The following RNF130 variants were observed in gnomAD, a reference collection of about 807,000 sequenced individuals.
RNF130 encodes the protein ring finger protein 130.
RNF130 carries 21 observed loss-of-function variants against 44.6 expected under a neutral mutation model. That is an observed-to-expected ratio of 0.47 (90% CI 0.33 to 0.68). The LOEUF (loss-of-function observed/expected upper bound fraction) is 0.68, where lower values mean the gene tolerates loss of function less well. RNF130 is among the 30% of genes least tolerant of loss of function. The pLI is 0.02. For synonymous variants in RNF130, 214 were observed against 210.4 expected (o/e 1.02, Z -0.15); for missense variants, 479 against 560.6 (o/e 0.85, Z 1.47).
chr5:180,022,291 C>T (rs576685343), intron 2 of RNF130, among the ~76,000 whole-genome samples: 1 of 152,206 alleles, frequency 6.6e-6, no homozygotes, highest in East Asian at 1.9e-4. Flanking sequence ...CCTCATGAAA[C>T]CTTCAGTTTA....
At chr5:180,012,840 T>C (rs1379249885) in intron 3 of RNF130, among the ~76,000 whole-genome samples, 2 of 152,228 alleles carry the variant, frequency 1.3e-5, no homozygotes, top group African/African-American at 4.8e-5. Context: ...GCTATCTACC[T>C]GACTAGAATA....
chr5:179,986,907 T>C (rs965570968), intron 3 of RNF130, among the ~76,000 whole-genome samples: 3 of 152,318 alleles, frequency 2.0e-5, no homozygotes, highest in Non-Finnish European at 4.4e-5. Context: ...TTTATTTTTA[T>C]GTGACTATTG....
intron 2 of RNF130, among the ~76,000 whole-genome samples, chr5:180,023,504 A>C (rs1763919258): frequency 6.6e-6 from 1 of 152,226 alleles, no homozygotes; most frequent in African/African-American, 2.4e-5. Context: ...TTACAGCACC[A>C]GAAAGTAAGA....
At chr5:180,036,731 T>C (rs924827246) in intron 2 of RNF130, among the ~76,000 whole-genome samples, 5 of 151,974 alleles carry the variant, frequency 3.3e-5, no homozygotes, top group African/African-American at 1.2e-4. Flanking sequence ...TCTGTTATTT[T>C]TAATCCTACC....
intron 5 of RNF130, chr5:179,976,691 ATTTTT>A (rs879535169): frequency 6.9e-6 from 1 of 145,060 alleles, no homozygotes; most frequent in Non-Finnish European, 1.5e-5. Flanking sequence ...CTTCAGTTTG[ATTTTT>A]TTTTTTTTTT....
chr5:180,033,562 C>T (rs936141814), intron 2 of RNF130, among the ~76,000 whole-genome samples: 9 of 151,980 alleles, frequency 5.9e-5, no homozygotes, highest in South Asian at 2.1e-4. Flanking sequence ...TGGTGGTGTG[C>T]GCCTATAATC....
chr5:180,025,878 A>C lies in RNF130; in HGVS notation c.443-12567T>G, dbSNP rs201730023. 3.8e-4 allele frequency among the ~76,000 whole-genome samples: 58 copies of C among 152,360 alleles called. 1 individual carries two copies. The East Asian group carries it at 0.01, about 27-fold the overall frequency. On this transcript the variant is annotated intron_variant, in intron 2 of 8. Transcript: ENST00000521389. Reference sequence around the variant, plus strand: ...GATAGGCATTTAGAATAAAGAAAATAGATTTACGTTAAGTGGCCCAAATTA... The same window carrying C: ...GATAGGCATTTAGAATAAAGAAAATCGATTTACGTTAAGTGGCCCAAATTA...
intron 7 of RNF130, among the ~76,000 whole-genome samples, chr5:179,936,866 T>A (rs1761896876): frequency 6.6e-6 from 1 of 152,138 alleles, no homozygotes; most frequent in South Asian, 2.1e-4. Context: ...GAAAGAACAG[T>A]CTCTTCAAGA....
chr5:179,945,539 G>A (rs1158267176), intron 7 of RNF130, among the ~76,000 whole-genome samples: 1 of 152,134 alleles, frequency 6.6e-6, no homozygotes, highest in Non-Finnish European at 1.5e-5. Flanking sequence ...CTGTTACAGT[G>A]ACTTTTATTC....
chr5:180,032,372 CCCTT>C (rs1764150064), intron 2 of RNF130, among the ~76,000 whole-genome samples: 3 of 152,150 alleles, frequency 2.0e-5, no homozygotes, highest in Middle Eastern at 3.4e-3. Flanking sequence ...CTCCCTCCCT[CCCTT>C]CTTTCCTTCT....
chr5:180,071,075 G>A (rs117139494), intron 1 of RNF130, among the ~76,000 whole-genome samples: 1 of 151,936 alleles, frequency 6.6e-6, no homozygotes, highest in Non-Finnish European at 1.5e-5. Flanking sequence ...TTAAGTCCGT[G>A]ATTTGAGGAA....
chr5:179,935,198 G>A (rs941852625), intron 7 of RNF130, among the ~76,000 whole-genome samples: 2 of 151,860 alleles, frequency 1.3e-5, no homozygotes, highest in African/African-American at 2.4e-5. Flanking sequence ...ACTTAATTCC[G>A]CTGGTCAGAA....
At chr5:179,927,298 C>A (rs185401085) in intron 7 of RNF130, among the ~76,000 whole-genome samples, 3 of 152,034 alleles carry the variant, frequency 2.0e-5, no homozygotes. Flanking sequence ...GGAAATACAC[C>A]AGATGTGTAC....
intron 7 of RNF130, among the ~76,000 whole-genome samples, chr5:179,921,480 T>C (rs1404291573): frequency 6.6e-6 from 1 of 152,208 alleles, no homozygotes; most frequent in Non-Finnish European, 1.5e-5. Flanking sequence ...AAACTGAACT[T>C]TTTCAGAAAC....
intron 3 of RNF130, among the ~76,000 whole-genome samples, chr5:179,996,784 T>C (rs996713938): frequency 2.6e-5 from 4 of 152,252 alleles, no homozygotes; most frequent in African/African-American, 4.8e-5. Context: ...TTTATTTTGT[T>C]GTATCCTCAT....
exon 8 of RNF130, chr5:179,913,658 C>T (rs1024121409): frequency 6.6e-6 from 1 of 152,224 alleles, no homozygotes; most frequent in African/African-American, 2.4e-5. Context: ...AGCCTCTCTT[C>T]TTCCAAGCTC....
exon 8 of RNF130, chr5:179,915,130 C>A (rs1334801110): frequency 2.0e-5 from 3 of 151,580 alleles, no homozygotes; most frequent in African/African-American, 7.3e-5. Flanking sequence ...GAGTTTGAGA[C>A]CAGCCTGGCC....
chr5:179,935,780 C>CTT (rs34733825), intron 7 of RNF130, among the ~76,000 whole-genome samples: 1 of 150,504 alleles, frequency 6.6e-6, no homozygotes, highest in Admixed American at 6.7e-5. Context: ...GATCATTTTA[C>CTT]TTTTTTTTTA....
chr5:180,061,093 A>G (rs915758741), intron 1 of RNF130, among the ~76,000 whole-genome samples: 1 of 149,702 alleles, frequency 6.7e-6, no homozygotes, highest in African/African-American at 2.4e-5. Flanking sequence ...AAAAAAAAAA[A>G]GCTATGTTCA....
Sources: allele counts gnomAD v4.1 joint callset (sites outside exome capture counted in the v4.1 genomes callset), GRCh38; gene constraint gnomAD v4.1.1; transcripts MANE v1.5; gene names NCBI Gene and HGNC (gene_info 2026-07-23, HGNC 2026-07-21).